MACROD2: variants seen among roughly 807,000 people sequenced by gnomAD.
MACROD2 encodes the protein mono-ADP ribosylhydrolase 2.
In MACROD2, 36 loss-of-function variants were observed where a neutral mutation model predicts 70.4. That is an observed-to-expected ratio of 0.51 (90% CI 0.39 to 0.68). The LOEUF is 0.68. Among genes scored for constraint, MACROD2 ranks in the 30% least tolerant of loss-of-function variants. The pLI is 0.00. For missense variants in MACROD2, 496 were observed against 538.4 expected (o/e 0.92, Z 0.78); for synonymous variants, 172 against 178.8 (o/e 0.96, Z 0.30).
At chr20:14,154,325 G>A (rs1007358619) in intron 3 of MACROD2, among the ~76,000 whole-genome samples, 1 of 151,872 alleles carries the variant, frequency 6.6e-6, no homozygotes, top group Non-Finnish European at 1.5e-5. Context: ...GAAATTCCAT[G>A]GGCGCTGAAA....
chr20:14,420,246 T>C (rs1160275696), intron 3 of MACROD2, among the ~76,000 whole-genome samples: 2 of 151,938 alleles, frequency 1.3e-5, no homozygotes, highest in Non-Finnish European at 2.9e-5. Context: ...TAGTTTTATG[T>C]TCATTATGGT....
intron 8 of MACROD2, among the ~76,000 whole-genome samples, chr20:15,666,307 A>G (rs965414415): frequency 1.3e-5 from 2 of 152,196 alleles, no homozygotes; most frequent in South Asian, 4.1e-4. Context: ...ATGACTAATC[A>G]ATCAATTAAG....
chr20:14,332,039 A>G (rs944572908), intron 3 of MACROD2, among the ~76,000 whole-genome samples: 1 of 152,264 alleles, frequency 6.6e-6, no homozygotes, highest in Non-Finnish European at 1.5e-5. Context: ...CTGGTAACTT[A>G]ATGGAATGTT....
At chr20:14,615,019 T>A (rs1445536052) in intron 4 of MACROD2, among the ~76,000 whole-genome samples, 1 of 152,096 alleles carries the variant, frequency 6.6e-6, no homozygotes, top group Non-Finnish European at 1.5e-5. Context: ...GGGAAAGCTA[T>A]GGAACCATTG....
At chr20:15,348,295 C>T (rs746244216) in intron 6 of MACROD2, among the ~76,000 whole-genome samples, 6 of 152,294 alleles carry the variant, frequency 3.9e-5, no homozygotes, top group African/African-American at 9.6e-5. Context: ...CAACCAGGAG[C>T]GCTGCCCCCT....
At chr20:14,236,194 A>C (rs868366784) in intron 3 of MACROD2, among the ~76,000 whole-genome samples, 2 of 152,146 alleles carry the variant, frequency 1.3e-5, no homozygotes, top group Admixed American at 1.3e-4. Flanking sequence ...CTTACGTCCT[A>C]TAATTTCAAT....
chr20:15,352,932 G>A (rs1359066277), intron 6 of MACROD2, among the ~76,000 whole-genome samples: 1 of 151,680 alleles, frequency 6.6e-6, no homozygotes, highest in Non-Finnish European at 1.5e-5. Flanking sequence ...ACTGCCCAAG[G>A]TAATTTATAG....
At chr20:15,099,853 A>G (rs562848626) in intron 5 of MACROD2, among the ~76,000 whole-genome samples, 1 of 152,228 alleles carries the variant, frequency 6.6e-6, no homozygotes, top group East Asian at 1.9e-4. Flanking sequence ...TGATAGAAAT[A>G]TGGATGGTAA....
intron 4 of MACROD2, among the ~76,000 whole-genome samples, chr20:14,546,544 A>T (rs1003936623): frequency 2.6e-5 from 4 of 152,186 alleles, no homozygotes; most frequent in African/African-American, 9.7e-5. Flanking sequence ...AATAGAGACT[A>T]CATCTTGCTA....
At chr20:14,942,380 CT>C (rs111329702) in intron 5 of MACROD2, among the ~76,000 whole-genome samples, 57,854 of 150,990 alleles carry the variant, frequency 0.38, 11,554 homozygotes, top group African/African-American at 0.44. Context: ...CCTTATCCTC[CT>C]TTTTTTTTCT....
chr20:14,479,630 C>G (rs1030619690), intron 3 of MACROD2, among the ~76,000 whole-genome samples: 2 of 152,134 alleles, frequency 1.3e-5, no homozygotes, highest in Non-Finnish European at 2.9e-5. Context: ...CTCGCATTAT[C>G]TCCAGCGTTT....
intron 2 of MACROD2, among the ~76,000 whole-genome samples, chr20:14,010,183 A>T (rs1030725754): frequency 6.6e-6 from 1 of 152,232 alleles, no homozygotes; most frequent in African/African-American, 2.4e-5. Flanking sequence ...TTTATATTTC[A>T]TATTTTTATA....
At chr20:16,008,429 T>G (rs1335158755) in intron 15 of MACROD2, among the ~76,000 whole-genome samples, 3 of 152,228 alleles carry the variant, frequency 2.0e-5, no homozygotes, top group African/African-American at 7.2e-5. Flanking sequence ...TAATAGAAAT[T>G]GCTTCAGCCC....
At position 14,896,381 on chromosome 20, in the gene MACROD2, T is replaced by C. The variant is rs539857616; in HGVS notation, c.418+211422T>C. 2.8e-4 allele frequency among the ~76,000 whole-genome samples: 43 copies of C among 152,324 alleles called. 1 individual carries two copies. Among genetic ancestry groups the C allele is most frequent in the Middle Eastern group, 6.8e-3 (2 of 294 alleles). ...AAAGGAGGTATTTGTGTTGAATTCTTTGTCTTAGTCATTATCCTTGCTTTT... is the reference window on the plus strand; with the variant it reads ...AAAGGAGGTATTTGTGTTGAATTCTCTGTCTTAGTCATTATCCTTGCTTTT... On this transcript the variant is annotated intron_variant, in intron 5 of 17. Transcript: ENST00000684519.
chr20:14,311,073 T>A (rs1188825251), intron 3 of MACROD2, among the ~76,000 whole-genome samples: 1 of 152,168 alleles, frequency 6.6e-6, no homozygotes, highest in Admixed American at 6.5e-5. Flanking sequence ...TAAAATACGT[T>A]TAGTGTAGCT....
chr20:14,077,291 A>G (rs2053926929), intron 2 of MACROD2, among the ~76,000 whole-genome samples: 1 of 152,210 alleles, frequency 6.6e-6, no homozygotes, highest in South Asian at 2.1e-4. Context: ...TATGACATAA[A>G]GAAACTAGAT....
At chr20:15,116,048 T>TA (rs1423498271) in intron 5 of MACROD2, among the ~76,000 whole-genome samples, 5 of 152,308 alleles carry the variant, frequency 3.3e-5, no homozygotes, top group African/African-American at 1.2e-4. Flanking sequence ...CTGTTAGAAT[T>TA]AAAATTTTTT....
At chr20:15,876,367 GT>G (rs890512528) in intron 9 of MACROD2, among the ~76,000 whole-genome samples, 3 of 151,886 alleles carry the variant, frequency 2.0e-5, no homozygotes, top group Non-Finnish European at 2.9e-5. Flanking sequence ...TGCAGTGTTT[GT>G]TTTTTTGTCC....
chr20:14,568,324 G>C lies in MACROD2; in HGVS notation c.301+74816G>C, dbSNP rs147557931. 2.2e-4 allele frequency among the ~76,000 whole-genome samples: 34 copies of C among 152,026 alleles called. 1 individual carries two copies. The highest frequency in any genetic ancestry group is 6.2e-4 in the South Asian group (3 of 4,814). The stretch of plus-strand genomic sequence containing the variant: ...GGCCAAAGGATCTCATTATTGCCCG[G>C]GTCTTTACAAGAAAGGTTCCCCAAT... On this transcript the variant is annotated intron_variant, in intron 4 of 17. Coordinates refer to ENST00000684519, the MANE Select transcript of MACROD2 (RefSeq NM_001351661.2).
Sources: gnomAD v4.1 joint callset for allele counts (sites outside exome capture counted in the v4.1 genomes callset) on GRCh38, gnomAD v4.1.1 for gene constraint, MANE v1.5 for transcripts, NCBI Gene and HGNC (gene_info 2026-07-23, HGNC 2026-07-21) for gene names.